ELF2: variants seen among roughly 807,000 people sequenced by gnomAD.
ELF2 encodes the protein E74 like ETS transcription factor 2.
Under a neutral mutation model 54.8 loss-of-function variants are expected in ELF2, and 11 were observed. That is an observed-to-expected ratio of 0.20 (90% CI 0.13 to 0.33). The LOEUF is 0.33. ELF2 is among the 10% of genes least tolerant of loss of function. The pLI, the probability that ELF2 is intolerant of heterozygous loss-of-function variation, is 1.00. For missense variants in ELF2, 513 were observed against 703.0 expected (o/e 0.73, Z 3.06); for synonymous variants, 203 against 245.1 (o/e 0.83, Z 1.61).
intron 3 of ELF2, chr4:139,137,377 T>C (rs1162369955): frequency 9.1e-6 from 5 of 551,514 alleles, no homozygotes; most frequent in East Asian, 3.0e-5. Flanking sequence ...ACTAATACTA[T>C]AGTGTTCTTT....
At chr4:139,162,864 A>T (rs2148903391) in intron 1 of ELF2, among the ~76,000 whole-genome samples, 1 of 152,284 alleles carries the variant, frequency 6.6e-6, no homozygotes, top group African/African-American at 2.4e-5. Context: ...TCAAAGGCTG[A>T]AACAGGAGGA....
At position 139,154,335 on chromosome 4, in the gene ELF2, G is replaced by A. The variant is rs575759218; in HGVS notation, c.-251-14838C>T. Among the ~76,000 whole-genome samples the A allele has an allele frequency of 6.6e-5, 10 of 152,166 alleles. No individual in the cohort carries two copies. The South Asian group carries it at 1.9e-3, about 28-fold the overall frequency. On this transcript the variant is annotated intron_variant, in intron 1 of 9. Coordinates refer to ENST00000686138, the MANE Select transcript of ELF2 (RefSeq NM_001331036.3). ...TAGTATAAAACAACTCTGAGAAGTA[G>A]ACGTATCTAGTTCTTTTCATTCTTT...
At chr4:139,135,279 G>A (rs10022824) in intron 3 of ELF2, among the ~76,000 whole-genome samples, 28,102 of 135,768 alleles carry the variant, frequency 0.21, 3,400 homozygotes, top group East Asian at 0.52. Context: ...GTGTGTGTGT[G>A]TATATATGAA....
At chr4:139,158,844 CCTT>C (rs1239753715) in intron 1 of ELF2, among the ~76,000 whole-genome samples, 5 of 151,960 alleles carry the variant, frequency 3.3e-5, no homozygotes, top group Admixed American at 6.6e-5. Context: ...TTGACAGAGT[CCTT>C]TTTTTTAAGT....
At chr4:139,125,821 TAC>T in intron 3 of ELF2, among the ~76,000 whole-genome samples, 1 of 149,802 alleles carries the variant, frequency 6.7e-6, no homozygotes, top group Non-Finnish European at 1.5e-5. Flanking sequence ...CAACACACTG[TAC>T]AGTGTAGAGA....
At chr4:139,153,443 A>AAAAT (rs536362017) in intron 1 of ELF2, among the ~76,000 whole-genome samples, 2,415 of 151,834 alleles carry the variant, frequency 0.016, 53 homozygotes, top group African/African-American at 0.049. Context: ...TCAAAAAATA[A>AAAAT]AAATAAATAA....
intron 1 of ELF2, among the ~76,000 whole-genome samples, chr4:139,164,401 G>A (rs748641470): frequency 6.6e-6 from 1 of 152,014 alleles, no homozygotes; most frequent in Non-Finnish European, 1.5e-5. Flanking sequence ...TTTGGGAGGC[G>A]GAGGCGGGTG....
intron 4 of ELF2, among the ~76,000 whole-genome samples, chr4:139,115,725 A>C (rs116648682): frequency 5.3e-5 from 8 of 152,338 alleles, no homozygotes; most frequent in African/African-American, 1.9e-4. Context: ...TAAAGTTGAT[A>C]GTCTCTTAAA....
At chr4:139,173,153 G>A (rs1742495847) in intron 1 of ELF2, among the ~76,000 whole-genome samples, 1 of 152,034 alleles carries the variant, frequency 6.6e-6, no homozygotes, top group Non-Finnish European at 1.5e-5. Flanking sequence ...ACAGGCTGGA[G>A]GGAATTTTGG....
intron 6 of ELF2, among the ~76,000 whole-genome samples, chr4:139,068,767 G>A (rs992777637): frequency 6.6e-6 from 1 of 152,168 alleles, no homozygotes; most frequent in Admixed American, 6.5e-5. Context: ...TCAATCCTGA[G>A]CACAAATGAA....
intron 1 of ELF2, among the ~76,000 whole-genome samples, chr4:139,166,679 T>C (rs1487947674): frequency 6.6e-6 from 1 of 152,022 alleles, no homozygotes; most frequent in Non-Finnish European, 1.5e-5. Context: ...CCATCCTGGC[T>C]AACATAGTGA....
At chr4:139,084,289 T>C in intron 4 of ELF2, 1 of 1,600,578 alleles carries the variant, frequency 6.2e-7, no homozygotes, top group Non-Finnish European at 8.5e-7. Context: ...ACACACGCCG[T>C]GCGACCGACA....
chr4:139,062,218 T>C, intron 7 of ELF2, 161 bp from the exon 8 acceptor site: 1 of 662,636 alleles, frequency 1.5e-6, no homozygotes, highest in Non-Finnish European at 2.4e-6. Context: ...TCGCCCAGGC[T>C]GGAGTGCAGT....
At chr4:139,080,417 C>T (rs1476877222) in intron 4 of ELF2, among the ~76,000 whole-genome samples, 1 of 151,912 alleles carries the variant, frequency 6.6e-6, no homozygotes, top group African/African-American at 2.4e-5. Flanking sequence ...AAGATTGAGA[C>T]TACATATTCC....
At chr4:139,151,096 A>AAAGAAAGAAAGAAAGAAAGAAAG (rs1560871880) in intron 1 of ELF2, among the ~76,000 whole-genome samples, 1 of 128,210 alleles carries the variant, frequency 7.8e-6, no homozygotes, top group South Asian at 2.2e-4. Context: ...AAGAAAGAAA[A>AAAGAAAGAAAGAAAGAAAGAAAG]AGAGAGCTAT....
At chr4:139,064,704 AC>A (rs1286651900) in intron 7 of ELF2, among the ~76,000 whole-genome samples, 2 of 151,952 alleles carry the variant, frequency 1.3e-5, no homozygotes, top group Non-Finnish European at 2.9e-5. Flanking sequence ...ACATGGAGAA[AC>A]CCCATCTCTA....
intron 3 of ELF2, among the ~76,000 whole-genome samples, chr4:139,132,825 T>C (rs1276943592): frequency 3.7e-5 from 5 of 136,226 alleles, no homozygotes; most frequent in Non-Finnish European, 7.7e-5. Flanking sequence ...TTTTCCAAAG[T>C]GGTTATATTA....
rs560721975 is a variant in ELF2 at position 139,102,970 on chromosome 4, C to T, written c.238+22194G>A. Among the ~76,000 whole-genome samples the T allele has an allele frequency of 1.6e-4, 25 of 152,238 alleles. No homozygotes were observed. In the South Asian group the frequency reaches 5.0e-3, roughly 30 times the overall value. On this transcript the variant is annotated intron_variant, in intron 4 of 9. Transcript: ENST00000686138. ...CACAGCTCACTGCAGCCTTGACCTACCAAGTGCAAGCAATCTGCCCACCTC... is the reference window on the plus strand; with the variant it reads ...CACAGCTCACTGCAGCCTTGACCTATCAAGTGCAAGCAATCTGCCCACCTC...
chr4:139,120,069 CG>C (rs1560833451), intron 4 of ELF2, among the ~76,000 whole-genome samples: 1 of 152,104 alleles, frequency 6.6e-6, no homozygotes, highest in African/African-American at 2.4e-5. Flanking sequence ...CCACTGCACT[CG>C]GCCACATTTG....
Sources: gnomAD v4.1 joint callset for allele counts (sites outside exome capture counted in the v4.1 genomes callset) on GRCh38, gnomAD v4.1.1 for gene constraint, MANE v1.5 for transcripts, NCBI Gene and HGNC (gene_info 2026-07-23, HGNC 2026-07-21) for gene names.